The following CEP192 variants were observed in gnomAD, a reference collection of about 807,000 sequenced individuals.
CEP192 encodes the protein centrosomal protein of 192 kDa.
In CEP192, 151 loss-of-function variants were observed where a neutral mutation model predicts 271.8. That is an observed-to-expected ratio of 0.56 (90% CI 0.49 to 0.64). The LOEUF (loss-of-function observed/expected upper bound fraction) is 0.64, where lower values mean the gene tolerates loss of function less well. Among genes scored for constraint, CEP192 ranks in the 30% least tolerant of loss-of-function variants. The pLI, the probability that CEP192 is intolerant of heterozygous loss-of-function variation, is 0.00. For synonymous variants in CEP192, 995 were observed against 1,076.5 expected (o/e 0.92, Z 1.48); for missense variants, 2,910 against 3,020.5 (o/e 0.96, Z 0.86).
At chr18:13,030,435 A>G in intron 10 of CEP192, 30 bp from the exon 11 acceptor site, 1 of 1,514,966 alleles carries the variant, frequency 6.6e-7, no homozygotes, top group Non-Finnish European at 8.9e-7. Context: ...TACATGTGTC[A>G]TTTGATATTT....
chr18:13,109,373 A>G (rs763102293), intron 40 of CEP192, among the ~76,000 whole-genome samples: 7 of 152,222 alleles, frequency 4.6e-5, no homozygotes, highest in South Asian at 2.1e-4. Flanking sequence ...GATGACAGCA[A>G]TAGAAACTGG....
chr18:13,028,728 C>T (rs1255185568), intron 9 of CEP192, among the ~76,000 whole-genome samples: 7 of 152,150 alleles, frequency 4.6e-5, no homozygotes, highest in Non-Finnish European at 1.5e-5. Context: ...CCATGTTGGC[C>T]AGGGTGGTCT....
At chr18:13,030,210 T>C (rs777765414) in intron 10 of CEP192, among the ~76,000 whole-genome samples, 2 of 152,376 alleles carry the variant, frequency 1.3e-5, no homozygotes, top group Admixed American at 6.5e-5. Context: ...TGTACCTTTC[T>C]AGCTAACTCT....
chr18:13,027,146 A>G (rs1390839058), intron 9 of CEP192, among the ~76,000 whole-genome samples: 1 of 152,204 alleles, frequency 6.6e-6, no homozygotes, highest in African/African-American at 2.4e-5. Context: ...TAGGATGGAC[A>G]GGGTGGCTAG....
At position 13,069,168 on chromosome 18, in the gene CEP192, A is replaced by G. The variant is rs747581882; in HGVS notation, c.5042A>G (p.Tyr1681Cys). The G allele has an allele frequency of 1.2e-6, 2 of 1,613,962 alleles. No individual in the cohort carries two copies. The highest frequency in any genetic ancestry group is 1.7e-6 in the Non-Finnish European group (2 of 1,179,824). ...AAAAATGCTGGGAACATTGAAGTTT[A>G]TTTGGATATCAAGGTATGCACTTCC... The part of the protein sequence containing the change: ...PLKNAGNIEV[Y>C]LDIKVPEQGS... Residue 1681 changes from tyrosine (Y) to cysteine (C), a missense_variant, in exon 26 of 45, where the codon TAT becomes TGT. By Grantham distance (194) the Tyr-to-Cys change is radical. Transcript: ENST00000506447.
In CEP192 at chr18:13,019,184, G is replaced by A; in HGVS notation, c.1028G>A (p.Gly343Asp). The A allele has an allele frequency of 1.9e-6, 3 of 1,540,578 alleles. No individual in the cohort carries two copies. Among genetic ancestry groups the A allele is most frequent in the South Asian group, 1.2e-5 (1 of 81,710 alleles). Residue 343 changes from glycine (G) to aspartate (D), a missense_variant, in exon 9 of 45, where the codon GGT becomes GAT. Gly to Asp is a moderately conservative substitution (Grantham distance 94). Coordinates refer to ENST00000506447, the MANE Select transcript of CEP192 (RefSeq NM_032142.4). ...GAGAAAGAAATAGAAAATTTGAAGG[G>A]TATTGTTCCAGATCTTAACAGTGTA... ...GTEKEIENLKGIVPDLNSECA... is the reference protein window; with the variant it reads ...GTEKEIENLKDIVPDLNSECA...
At chr18:13,082,432 C>CTTTTTTTTTT (rs57663388) in intron 30 of CEP192, among the ~76,000 whole-genome samples, 20 of 49,944 alleles carry the variant, frequency 4.0e-4, no homozygotes, top group East Asian at 7.4e-4. Flanking sequence ...GCAACCCCTG[C>CTTTTTTTTTT]TTTTTTTTTT....
chr18:13,114,724 A>T (rs1568441220), intron 42 of CEP192, among the ~76,000 whole-genome samples: 2 of 152,206 alleles, frequency 1.3e-5, no homozygotes, highest in South Asian at 2.1e-4. Flanking sequence ...AAGATGACAT[A>T]CATTTTCGTT....
At chr18:13,036,018 C>T (rs2035896401) in intron 11 of CEP192, among the ~76,000 whole-genome samples, 1 of 151,752 alleles carries the variant, frequency 6.6e-6, no homozygotes, top group African/African-American at 2.4e-5. Context: ...TGGTGGCACA[C>T]GCTTGTAGGC....
At chr18:13,078,631 T>C (rs2038419148) in intron 30 of CEP192, among the ~76,000 whole-genome samples, 1 of 151,360 alleles carries the variant, frequency 6.6e-6, no homozygotes, top group African/African-American at 2.4e-5. Context: ...CATTCTTTTG[T>C]TGTTGTTGTT....
At chr18:13,007,679 A>G (rs2034070029) in intron 3 of CEP192, among the ~76,000 whole-genome samples, 1 of 152,046 alleles carries the variant, frequency 6.6e-6, no homozygotes, top group Non-Finnish European at 1.5e-5. Context: ...GTGACTTTTT[A>G]TGTACTACAG....
At chr18:13,115,301 G>A (rs1350106763) in intron 42 of CEP192, among the ~76,000 whole-genome samples, 1 of 152,230 alleles carries the variant, frequency 6.6e-6, no homozygotes, top group Admixed American at 6.5e-5. Flanking sequence ...AGTGACAGAG[G>A]CAGCTTGGTC....
At chr18:13,009,165 A>G (rs2034181448) in intron 4 of CEP192, among the ~76,000 whole-genome samples, 1 of 152,018 alleles carries the variant, frequency 6.6e-6, no homozygotes, top group Non-Finnish European at 1.5e-5. Context: ...GCTTCGATGT[A>G]TTCATCTTGT....
chr18:12,995,817 G>A (rs988691581), intron 1 of CEP192, among the ~76,000 whole-genome samples: 2 of 152,254 alleles, frequency 1.3e-5, no homozygotes, highest in African/African-American at 2.4e-5. Flanking sequence ...GGTACAAAAT[G>A]TGTGAATAGC....
At chr18:13,003,606 A>G (rs1236450769) in intron 3 of CEP192, among the ~76,000 whole-genome samples, 1 of 152,154 alleles carries the variant, frequency 6.6e-6, no homozygotes, top group Non-Finnish European at 1.5e-5. Flanking sequence ...ACAGAGCACC[A>G]GGGAGGCTGG....
At chr18:13,025,006 AAG>A (rs1305337503) in intron 9 of CEP192, among the ~76,000 whole-genome samples, 35 of 139,998 alleles carry the variant, frequency 2.5e-4, no homozygotes, top group East Asian at 6.6e-4. Flanking sequence ...TCCTGACCTC[AAG>A]TGATCCACCC....
chr18:13,034,215 A>G (rs1334709521), intron 11 of CEP192, among the ~76,000 whole-genome samples: 1 of 152,160 alleles, frequency 6.6e-6, no homozygotes, highest in East Asian at 1.9e-4. Flanking sequence ...GGAAAGGATG[A>G]CTAGCATGGG....
chr18:13,100,421 G>C lies in CEP192; in HGVS notation c.6780G>C (p.Leu2260Phe). Residue 2260 changes from leucine (L) to phenylalanine (F), a missense_variant, in exon 38 of 45, where the codon TTG becomes TTC. Leu to Phe is a conservative substitution (Grantham distance 22). Coordinates refer to ENST00000506447, the MANE Select transcript of CEP192 (RefSeq NM_032142.4). ...TATCTGAGCCTTCAGTTAGTCATTT[G>C]GTCAAACCAATGACAAAACCGCCTT... ...SPVSEPSVSH[L>F]VKPMTKPPST... 1 of 1,613,956 alleles carries C rather than the reference G, an allele frequency of 6.2e-7. No homozygotes were observed. The highest frequency in any genetic ancestry group is 8.5e-7 in the Non-Finnish European group (1 of 1,179,914).
chr18:13,013,743 A>G (rs1175778434), intron 5 of CEP192, among the ~76,000 whole-genome samples: 1 of 152,232 alleles, frequency 6.6e-6, no homozygotes, highest in Non-Finnish European at 1.5e-5. Context: ...CAACATTACC[A>G]CCAAACCTGG....
Sources: gnomAD v4.1 joint callset for allele counts (sites outside exome capture counted in the v4.1 genomes callset) on GRCh38, gnomAD v4.1.1 for gene constraint, MANE v1.5 for transcripts, NCBI Gene and HGNC (gene_info 2026-07-23, HGNC 2026-07-21) for gene names.